STXBP5L: variants seen among roughly 807,000 people sequenced by gnomAD.
STXBP5L encodes the protein syntaxin-binding protein 5-like.
In STXBP5L, 65 loss-of-function variants were observed where a neutral mutation model predicts 144.5. The observed-to-expected ratio is 0.45, with a 90% CI of 0.37 to 0.55. The LOEUF is 0.55. Ranked by LOEUF, STXBP5L falls within the 20% of genes least tolerant of loss-of-function variation. The pLI is 0.00. For missense variants in STXBP5L, 1,298 were observed against 1,405.5 expected (o/e 0.92, Z 1.22); for synonymous variants, 505 against 469.6 (o/e 1.08, Z -0.97).
intron 19 of STXBP5L, among the ~76,000 whole-genome samples, chr3:121,314,819 G>T (rs1328893105): frequency 6.6e-6 from 1 of 152,100 alleles, no homozygotes; most frequent in Admixed American, 6.5e-5. Context: ...CAAAAAATGG[G>T]CAAAGGATAT....
chr3:121,052,938 C>T (rs1948138453), intron 5 of STXBP5L, among the ~76,000 whole-genome samples: 2 of 152,162 alleles, frequency 1.3e-5, no homozygotes, highest in African/African-American at 4.8e-5. Flanking sequence ...CACAAGCATT[C>T]TTATACACAA....
At chr3:120,923,156 A>T (rs1268120257) in intron 2 of STXBP5L, among the ~76,000 whole-genome samples, 1 of 151,910 alleles carries the variant, frequency 6.6e-6, no homozygotes, top group African/African-American at 2.4e-5. Flanking sequence ...AATAGTGTCT[A>T]ATAATTCCTC....
chr3:121,000,161 T>C (rs964138616), intron 3 of STXBP5L, among the ~76,000 whole-genome samples: 9 of 152,136 alleles, frequency 5.9e-5, no homozygotes, highest in African/African-American at 2.2e-4. Flanking sequence ...ACCTCTCTAG[T>C]GAGGTTGGGG....
intron 9 of STXBP5L, among the ~76,000 whole-genome samples, chr3:121,178,134 T>C (rs2047006850): frequency 6.6e-6 from 1 of 152,116 alleles, no homozygotes; most frequent in South Asian, 2.1e-4. Flanking sequence ...AAAGGGGATA[T>C]AAAGAGTTAT....
intron 20 of STXBP5L, among the ~76,000 whole-genome samples, chr3:121,353,618 C>G (rs990901291): frequency 1.1e-4 from 16 of 152,034 alleles, no homozygotes; most frequent in Admixed American, 7.9e-4. Context: ...TTTTGTTGAT[C>G]TTTTCAAAAA....
chr3:121,001,146 G>A (rs1225250692), intron 3 of STXBP5L, among the ~76,000 whole-genome samples: 2 of 152,214 alleles, frequency 1.3e-5, no homozygotes, highest in Admixed American at 1.3e-4. Flanking sequence ...AGCATGGCAG[G>A]GTCTGTGCAT....
intron 18 of STXBP5L, among the ~76,000 whole-genome samples, chr3:121,268,396 GA>G (rs2050640562): frequency 6.6e-6 from 1 of 152,096 alleles, no homozygotes; most frequent in South Asian, 2.1e-4. Flanking sequence ...CACACACTGG[GA>G]CCTGTCAGGG....
intron 3 of STXBP5L, among the ~76,000 whole-genome samples, chr3:121,037,702 T>C (rs537535101): frequency 6.6e-6 from 1 of 152,228 alleles, no homozygotes; most frequent in Non-Finnish European, 1.5e-5. Context: ...TTTCTTCCTC[T>C]CAATTTTTCT....
intron 20 of STXBP5L, among the ~76,000 whole-genome samples, chr3:121,350,987 T>C (rs1039672551): frequency 2.0e-5 from 3 of 152,194 alleles, no homozygotes; most frequent in Admixed American, 2.0e-4. Context: ...TCCAGCTTTG[T>C]TCCATTGCTG....
chr3:120,970,495 C>A (rs180884222), intron 3 of STXBP5L, among the ~76,000 whole-genome samples: 1 of 152,074 alleles, frequency 6.6e-6, no homozygotes, highest in Non-Finnish European at 1.5e-5. Flanking sequence ...AATATAACAT[C>A]CCATTATCAT....
At chr3:120,955,109 T>C in intron 3 of STXBP5L, 72 bp downstream of exon 3, 1 of 1,079,328 alleles carries the variant, frequency 9.3e-7, no homozygotes, top group Non-Finnish European at 1.4e-6. Flanking sequence ...TCAGGTAAGA[T>C]AAATATTTAT....
chr3:121,240,643 C>A, intron 14 of STXBP5L, 136 bp downstream of exon 14: 1 of 734,956 alleles, frequency 1.4e-6, no homozygotes, highest in South Asian at 2.0e-5. Flanking sequence ...TAGCTTCTAC[C>A]CAAAGATTCT....
At chr3:121,042,352 A>G (rs1290912899) in intron 4 of STXBP5L, among the ~76,000 whole-genome samples, 1 of 152,176 alleles carries the variant, frequency 6.6e-6, no homozygotes, top group African/African-American at 2.4e-5. Flanking sequence ...ATATGTATTT[A>G]TGAAGCTCAG....
At chr3:120,941,937 A>G (rs766321742) in intron 2 of STXBP5L, among the ~76,000 whole-genome samples, 12 of 151,796 alleles carry the variant, frequency 7.9e-5, no homozygotes. Flanking sequence ...TTCAGTACAC[A>G]TATGCTCCTA....
At chr3:121,231,482 T>C (rs1034810830) in intron 11 of STXBP5L, among the ~76,000 whole-genome samples, 1 of 152,206 alleles carries the variant, frequency 6.6e-6, no homozygotes, top group African/African-American at 2.4e-5. Flanking sequence ...TGTCAGTGTA[T>C]TGCCTGAAGG....
At chr3:121,296,956 CA>C (rs767200623) in intron 19 of STXBP5L, among the ~76,000 whole-genome samples, 1 of 151,978 alleles carries the variant, frequency 6.6e-6, no homozygotes, top group Non-Finnish European at 1.5e-5. Flanking sequence ...AGAATTTAAC[CA>C]AAAGTTGAAT....
At chr3:120,935,111 T>G (rs1710195103) in intron 2 of STXBP5L, among the ~76,000 whole-genome samples, 1 of 151,886 alleles carries the variant, frequency 6.6e-6, no homozygotes, top group Non-Finnish European at 1.5e-5. Context: ...CTTGTCTAAC[T>G]TTGAGCATTT....
chr3:121,078,796 G>C (rs2042133735), intron 5 of STXBP5L, among the ~76,000 whole-genome samples: 1 of 152,268 alleles, frequency 6.6e-6, no homozygotes, highest in Admixed American at 6.5e-5. Flanking sequence ...CGCTGGCCCA[G>C]GTGCTAAGCC....
intron 3 of STXBP5L, among the ~76,000 whole-genome samples, chr3:121,039,327 A>G (rs529806217): frequency 6.6e-6 from 1 of 151,986 alleles, no homozygotes; most frequent in African/African-American, 2.4e-5. Context: ...TTTACCTTCA[A>G]TTAATGTTAT....
Sources: allele counts gnomAD v4.1 joint callset (sites outside exome capture counted in the v4.1 genomes callset), GRCh38; gene constraint gnomAD v4.1.1; transcripts MANE v1.5; gene names NCBI Gene and HGNC (gene_info 2026-07-23, HGNC 2026-07-21).